The following GNAQ variants were observed in gnomAD, a reference collection of about 807,000 sequenced individuals.
GNAQ encodes the protein G protein subunit alpha q.
Under a neutral mutation model 43.9 loss-of-function variants are expected in GNAQ, and 8 were observed. The ratio of observed to expected loss-of-function variants is 0.18; its 90% confidence interval spans 0.11 to 0.33. The LOEUF is 0.33. Ranked by LOEUF, GNAQ falls within the 10% of genes least tolerant of loss-of-function variation. The probability of loss-of-function intolerance (pLI) is 1.00; values close to 1 mark genes in which losing one functional copy is unlikely to be tolerated. For missense variants in GNAQ, 158 were observed against 450.8 expected (o/e 0.35, Z 5.88); for synonymous variants, 155 against 170.7 (o/e 0.91, Z 0.71).
At position 77,737,636 on chromosome 9, in the gene GNAQ, A is replaced by G. The variant is rs936527397; in HGVS notation, c.736-8969T>C. On this transcript the variant is annotated intron_variant, in intron 5 of 6. Transcript: ENST00000286548. ...CTTGGGTTATGTCCCCATTCACATAAAACAATATTTCAGCAATAATCAACA... is the reference window on the plus strand; with the variant it reads ...CTTGGGTTATGTCCCCATTCACATAGAACAATATTTCAGCAATAATCAACA... Among the ~76,000 whole-genome samples the G allele has an allele frequency of 9.2e-5, 14 of 152,326 alleles. 1 individual carries two copies. Among genetic ancestry groups the G allele is most frequent in the Admixed American group, 1.3e-4 (2 of 15,302 alleles).
chr9:77,934,699 A>G (rs916081423), intron 1 of GNAQ, among the ~76,000 whole-genome samples: 74 of 152,260 alleles, frequency 4.9e-4, no homozygotes, highest in African/African-American at 1.7e-3. Context: ...ATACGCATAC[A>G]ACCACAAAAG....
intron 2 of GNAQ, among the ~76,000 whole-genome samples, chr9:77,910,042 T>A (rs935359504): frequency 1.3e-5 from 2 of 152,188 alleles, no homozygotes; most frequent in African/African-American, 4.8e-5. Context: ...CAGGTGTAAG[T>A]AATTTAGGGC....
chr9:77,818,393 A>T lies in GNAQ; in HGVS notation c.322-2623T>A, dbSNP rs375334490. Among the ~76,000 whole-genome samples, 25 of 152,208 alleles carry T rather than the reference A, an allele frequency of 1.6e-4. No individual in the cohort carries two copies. In the East Asian group the frequency reaches 2.9e-3, roughly 18 times the overall value. On this transcript the variant is annotated intron_variant, in intron 2 of 6. Transcript: ENST00000286548. ...TTTTACAAAATATATACAGATTTTTAAAATTGTGCATATAAACGTTCCCAA... is the reference window on the plus strand; with the variant it reads ...TTTTACAAAATATATACAGATTTTTTAAATTGTGCATATAAACGTTCCCAA...
Position 77,891,754 on chromosome 9 carries a change from C to G in GNAQ, c.321+30407G>C, listed in dbSNP as rs141953212. Among the ~76,000 whole-genome samples the G allele has an allele frequency of 3.1e-3, 470 of 152,308 alleles. 3 individuals carry two copies. Among genetic ancestry groups the G allele is most frequent in the Non-Finnish European group, 5.1e-3 (347 of 68,016 alleles). ...AGGCCTCCATATCAATAACACAGAC[C>G]AAACAACTGTGTGCAGTGCTTGCTG... On this transcript the variant is annotated intron_variant, in intron 2 of 6. Coordinates refer to ENST00000286548, the MANE Select transcript of GNAQ (RefSeq NM_002072.5).
intron 2 of GNAQ, among the ~76,000 whole-genome samples, chr9:77,819,531 A>G (rs1312863496): frequency 6.6e-5 from 10 of 152,162 alleles, no homozygotes; most frequent in Non-Finnish European, 1.5e-4. Context: ...CAGAAGTAGA[A>G]AGCCAAATGG....
intron 2 of GNAQ, among the ~76,000 whole-genome samples, chr9:77,904,495 G>C (rs1254176840): frequency 1.3e-5 from 2 of 151,646 alleles, no homozygotes; most frequent in Admixed American, 6.6e-5. Flanking sequence ...ACCACGCCTG[G>C]CTACTTTTTT....
At chr9:77,876,996 AAATAT>A (rs148619172) in intron 2 of GNAQ, among the ~76,000 whole-genome samples, 12,432 of 152,240 alleles carry the variant, frequency 0.082, 557 homozygotes, top group South Asian at 0.11. Flanking sequence ...ATCATCAATT[AAATAT>A]AATATAACAA....
At chr9:77,960,008 G>A (rs961415358) in intron 1 of GNAQ, among the ~76,000 whole-genome samples, 1 of 152,042 alleles carries the variant, frequency 6.6e-6, no homozygotes, top group African/African-American at 2.4e-5. Context: ...ATGATAAATG[G>A]ATTCCTTGCC....
rs1824065731 is a variant in GNAQ at position 78,031,741 on chromosome 9, GGCGCCCTCGGCCCTGTCC to G, written c.-524_-507del. Among the ~76,000 whole-genome samples the G allele has an allele frequency of 2.0e-5, 3 of 147,662 alleles. No individual in the cohort carries two copies. Among genetic ancestry groups the G allele is most frequent in the South Asian group, 4.2e-4 (2 of 4,804 alleles). On this transcript the variant is annotated 5_prime_UTR_variant, in exon 1 of 7. Coordinates refer to ENST00000286548, the MANE Select transcript of GNAQ (RefSeq NM_002072.5). ...TCGCCGCCGCCTGACACGGCTCCCGGGCGCCCTCGGCCCTGTCCGCGCCCACCGCCCGGCTCGCGCGCA... is the reference window on the plus strand; with the variant it reads ...TCGCCGCCGCCTGACACGGCTCCCGGGCGCCCACCGCCCGGCTCGCGCGCA...
At chr9:77,925,332 T>C (rs1189126355) in intron 1 of GNAQ, among the ~76,000 whole-genome samples, 3 of 152,190 alleles carry the variant, frequency 2.0e-5, no homozygotes, top group Non-Finnish European at 4.4e-5. Flanking sequence ...ATAAAGTGTT[T>C]TCTATTCAGT....
At chr9:77,831,037 T>C (rs144071382) in intron 2 of GNAQ, among the ~76,000 whole-genome samples, 1 of 152,306 alleles carries the variant, frequency 6.6e-6, no homozygotes, top group Admixed American at 6.5e-5. Flanking sequence ...TTAAAACCCT[T>C]TGCATAATTG....
intron 5 of GNAQ, among the ~76,000 whole-genome samples, chr9:77,773,206 C>G (rs1340769880): frequency 6.6e-6 from 1 of 152,094 alleles, no homozygotes; most frequent in Non-Finnish European, 1.5e-5. Flanking sequence ...ATATTTTAAT[C>G]TTATTTAACA....
chr9:77,977,084 TC>T (rs1241592377), intron 1 of GNAQ, among the ~76,000 whole-genome samples: 1 of 152,182 alleles, frequency 6.6e-6, no homozygotes, highest in Non-Finnish European at 1.5e-5. Flanking sequence ...CCTTTTTATC[TC>T]CTTTATCTTG....
At chr9:77,743,180 C>T (rs1825679080) in intron 5 of GNAQ, among the ~76,000 whole-genome samples, 3 of 152,208 alleles carry the variant, frequency 2.0e-5, no homozygotes, top group African/African-American at 7.2e-5. Context: ...ATAGCTTGAA[C>T]CCGGGAGGCG....
intron 4 of GNAQ, among the ~76,000 whole-genome samples, chr9:77,795,775 T>C (rs1297423452): frequency 6.6e-6 from 1 of 152,140 alleles, no homozygotes; most frequent in Non-Finnish European, 1.5e-5. Flanking sequence ...TTACGTGAAA[T>C]CCTCATTCCA....
intron 5 of GNAQ, among the ~76,000 whole-genome samples, chr9:77,774,207 T>C (rs1826271504): frequency 6.6e-6 from 1 of 152,232 alleles, no homozygotes; most frequent in Non-Finnish European, 1.5e-5. Context: ...GAGATAAATC[T>C]TGGTGTCATA....
intron 2 of GNAQ, among the ~76,000 whole-genome samples, chr9:77,844,680 AT>A (rs1055656337): frequency 1.3e-5 from 2 of 151,120 alleles, no homozygotes; most frequent in African/African-American, 2.4e-5. Context: ...TTATTTTGTT[AT>A]TTTTTTTTGA....
chr9:77,815,755 C>G lies in GNAQ; in HGVS notation c.337G>C (p.Val113Leu). 6.2e-7 allele frequency: 1 copy of G among 1,611,782 alleles called. No homozygotes were observed. Among genetic ancestry groups the G allele is most frequent in the Non-Finnish European group, 8.5e-7 (1 of 1,178,396 alleles). The change falls in exon 3 of 7, where the codon GTT becomes CTT. Residue 113 changes from valine (V) to leucine (L), a missense_variant. Transcript: ENST00000286548. ...ACCTTCTCCACATCAACTTCTCGAA[C>G]TAATTGTGCATGAGCCTGTTTAAAT... ...YEHNKAHAQL[V>L]REVDVEKVSA... is the part of the protein sequence containing the mutation.
At chr9:77,812,211 G>T (rs1826939624) in intron 3 of GNAQ, among the ~76,000 whole-genome samples, 1 of 152,186 alleles carries the variant, frequency 6.6e-6, no homozygotes, top group African/African-American at 2.4e-5. Flanking sequence ...AAAATTATCA[G>T]TTGGAAATAA....
Sources: gnomAD v4.1 joint callset for allele counts (sites outside exome capture counted in the v4.1 genomes callset) on GRCh38, gnomAD v4.1.1 for gene constraint, MANE v1.5 for transcripts, NCBI Gene and HGNC (gene_info 2026-07-23, HGNC 2026-07-21) for gene names.